The following SLC35F1 variants were observed in gnomAD, a reference collection of about 807,000 sequenced individuals.
SLC35F1 encodes the protein chromosome 6 open reading frame 169.
Under a neutral mutation model 48.7 loss-of-function variants are expected in SLC35F1, and 14 were observed. The observed-to-expected ratio is 0.29, with a 90% CI of 0.19 to 0.45. SLC35F1 has a LOEUF of 0.45. SLC35F1 is among the 20% of genes least tolerant of loss of function. The probability of loss-of-function intolerance (pLI) is 1.00; values close to 1 mark genes in which losing one functional copy is unlikely to be tolerated. For synonymous variants in SLC35F1, 190 were observed against 202.2 expected (o/e 0.94, Z 0.51); for missense variants, 404 against 500.0 (o/e 0.81, Z 1.83).
At chr6:117,979,024 C>T (rs1265029635) in intron 1 of SLC35F1, among the ~76,000 whole-genome samples, 1 of 152,200 alleles carries the variant, frequency 6.6e-6, no homozygotes, top group Admixed American at 6.5e-5. Context: ...CAGGCTTGAC[C>T]TGTTCCCCGC....
chr6:117,971,833 C>T (rs1776644170), intron 1 of SLC35F1, among the ~76,000 whole-genome samples: 2 of 152,340 alleles, frequency 1.3e-5, no homozygotes, highest in Admixed American at 1.3e-4. Context: ...GGCCCTGGGC[C>T]TGGCCCAGGA....
At chr6:118,172,911 T>C (rs1001329807) in intron 2 of SLC35F1, among the ~76,000 whole-genome samples, 1 of 152,148 alleles carries the variant, frequency 6.6e-6, no homozygotes, top group African/African-American at 2.4e-5. Flanking sequence ...AAACAGTTTA[T>C]TCAACTTGGA....
At chr6:118,081,309 T>TA (rs1772904419) in intron 1 of SLC35F1, among the ~76,000 whole-genome samples, 1 of 152,136 alleles carries the variant, frequency 6.6e-6, no homozygotes, top group African/African-American at 2.4e-5. Context: ...TGTGAATCCT[T>TA]ACACCTTTTC....
intron 7 of SLC35F1, among the ~76,000 whole-genome samples, chr6:118,309,169 A>ATGTGTGTGTG (rs57832608): frequency 6.1e-4 from 91 of 148,214 alleles, no homozygotes; most frequent in African/African-American, 1.8e-3. Flanking sequence ...GGGCCTGTAG[A>ATGTGTGTGTG]TGTGTGTGTG....
At chr6:118,016,555 A>C (rs1171575739) in intron 1 of SLC35F1, among the ~76,000 whole-genome samples, 1 of 151,344 alleles carries the variant, frequency 6.6e-6, no homozygotes, top group African/African-American at 2.5e-5. Context: ...AAAGGCATAG[A>C]ATTCATTTCT....
At chr6:118,033,464 T>A (rs187155463) in intron 1 of SLC35F1, among the ~76,000 whole-genome samples, 274 of 152,318 alleles carry the variant, frequency 1.8e-3, no homozygotes, top group Admixed American at 3.9e-3. Context: ...TATCTTTCCT[T>A]ACTATTCAAC....
rs576483914 is a variant in SLC35F1 at position 117,999,555 on chromosome 6, A to T, written c.173+91656A>T. ...GTCCTCCTGTGCTATTTGTACAAAT[A>T]AACCTGAGGCAGGAAAAAAAAAAAA... is the stretch of plus-strand genomic sequence containing the variant. On this transcript the variant is annotated intron_variant, in intron 1 of 7. Transcript: ENST00000360388. The T allele has an allele frequency of 4.9e-6, 3 of 610,938 alleles. No homozygotes were observed. In the South Asian group the frequency reaches 1.0e-4, roughly 21 times the overall value. 37.8% of individuals were successfully genotyped at this position (610,938 alleles called of 1,614,324 possible).
intron 2 of SLC35F1, among the ~76,000 whole-genome samples, chr6:118,191,959 A>G (rs1774738928): frequency 6.6e-6 from 1 of 152,202 alleles, no homozygotes; most frequent in South Asian, 2.1e-4. Context: ...CCACACCAAT[A>G]TATTTAATTT....
At chr6:118,246,637 A>G (rs1446043979) in intron 3 of SLC35F1, among the ~76,000 whole-genome samples, 3 of 152,184 alleles carry the variant, frequency 2.0e-5, no homozygotes, top group Non-Finnish European at 4.4e-5. Context: ...TGGTGCACGT[A>G]GACAGGTTAT....
rs921438096 is a variant in SLC35F1, at chr6:118,157,659, C to T, written c.349+3039C>T. On this transcript the variant is annotated intron_variant, in intron 2 of 7. Coordinates refer to ENST00000360388, the MANE Select transcript of SLC35F1 (RefSeq NM_001029858.4). ...TCCAAAAGCTGAAGAACTTGAAGTC[C>T]GATGTTTGAGGGCAGGGAGCATCCA... is the stretch of plus-strand genomic sequence containing the variant. 7.9e-5 allele frequency among the ~76,000 whole-genome samples: 12 copies of T among 152,082 alleles called. No homozygotes were observed. In the South Asian group the frequency reaches 1.2e-3, roughly 16 times the overall value.
At chr6:118,119,500 C>CCCG (rs1197172439) in intron 1 of SLC35F1, among the ~76,000 whole-genome samples, 3 of 80,398 alleles carry the variant, frequency 3.7e-5, no homozygotes, top group Non-Finnish European at 6.9e-5. Context: ...CGGCGCCCCC[C>CCCG]CTCCACCCCG....
chr6:118,283,204 G>A (rs992764034), intron 6 of SLC35F1, among the ~76,000 whole-genome samples: 1 of 152,108 alleles, frequency 6.6e-6, no homozygotes, highest in Non-Finnish European at 1.5e-5. Flanking sequence ...AACTTTTCAT[G>A]TGCAGGTTTC....
intron 1 of SLC35F1, among the ~76,000 whole-genome samples, chr6:118,065,085 G>T (rs1415494157): frequency 6.6e-6 from 1 of 152,168 alleles, no homozygotes; most frequent in East Asian, 1.9e-4. Flanking sequence ...TCCACTAGAG[G>T]TTGATAACAG....
At chr6:118,066,285 T>C (rs1485155749) in intron 1 of SLC35F1, among the ~76,000 whole-genome samples, 1 of 152,208 alleles carries the variant, frequency 6.6e-6, no homozygotes, top group African/African-American at 2.4e-5. Flanking sequence ...ATCTCTATTA[T>C]GTGATGTCAA....
intron 2 of SLC35F1, among the ~76,000 whole-genome samples, chr6:118,207,027 C>T (rs75725622): frequency 0.03 from 4,500 of 152,232 alleles, 91 homozygotes; most frequent in Middle Eastern, 0.061. Context: ...CCTTTCCTTA[C>T]CCTTAATAAA....
chr6:118,025,005 T>C (rs773260082), intron 1 of SLC35F1, among the ~76,000 whole-genome samples: 5 of 152,236 alleles, frequency 3.3e-5, no homozygotes, highest in Non-Finnish European at 7.3e-5. Context: ...AGAGTTCTCA[T>C]ATACTCCCCA....
At chr6:118,240,613 A>G (rs1488306540) in intron 3 of SLC35F1, among the ~76,000 whole-genome samples, 2 of 152,262 alleles carry the variant, frequency 1.3e-5, no homozygotes, top group Non-Finnish European at 2.9e-5. Context: ...GAATGAAGAC[A>G]TAATCAAGAA....
chr6:118,200,240 A>G (rs372600734), intron 2 of SLC35F1, among the ~76,000 whole-genome samples: 1 of 152,196 alleles, frequency 6.6e-6, no homozygotes, highest in African/African-American at 2.4e-5. Flanking sequence ...TACAGTGGCA[A>G]AAACAGATTT....
intron 4 of SLC35F1, among the ~76,000 whole-genome samples, chr6:118,274,937 C>A (rs1419883632): frequency 6.6e-6 from 1 of 152,154 alleles, no homozygotes; most frequent in Non-Finnish European, 1.5e-5. Context: ...TATACTGATT[C>A]TGTTTGTTCT....
Sources: gnomAD v4.1 joint callset for allele counts (sites outside exome capture counted in the v4.1 genomes callset) on GRCh38, gnomAD v4.1.1 for gene constraint, MANE v1.5 for transcripts, NCBI Gene and HGNC (gene_info 2026-07-23, HGNC 2026-07-21) for gene names.